Variants in HMCN1 observed in about 807,000 individuals in gnomAD.
HMCN1 encodes the protein hemicentin 1, also known as hemicentin-1.
Under a neutral mutation model 625.9 loss-of-function variants are expected in HMCN1, and 321 were observed. The observed-to-expected ratio is 0.51, with a 90% CI of 0.47 to 0.56. HMCN1 has a LOEUF of 0.56. Ranked by LOEUF, HMCN1 falls within the 20% of genes least tolerant of loss-of-function variation. HMCN1 has a pLI of 0.00. For synonymous variants in HMCN1, 2,425 were observed against 2,417.6 expected, an observed-to-expected ratio of 1.00 and a Z score of -0.09; for missense variants, 6,588 against 6,887.3, an observed-to-expected ratio of 0.96 and a Z score of 1.54.
chr1:185,975,319 C>CA (rs2101983094), intron 15 of HMCN1, among the ~76,000 whole-genome samples: 1 of 152,212 alleles, frequency 6.6e-6, no homozygotes, highest in East Asian at 1.9e-4. Flanking sequence ...GCAGGCTCTA[C>CA]AGAAAGCATG....
chr1:186,134,181 G>A (rs1351817304), intron 86 of HMCN1, among the ~76,000 whole-genome samples: 1 of 152,074 alleles, frequency 6.6e-6, no homozygotes, highest in Non-Finnish European at 1.5e-5. Context: ...TTTATTTAAA[G>A]TGTTCATATT....
intron 103 of HMCN1, chr1:186,177,319 A>AAG (rs1553310477): frequency 2.3e-4 from 35 of 150,750 alleles, no homozygotes; most frequent in South Asian, 4.2e-4. Flanking sequence ...AAAAAAAAAA[A>AAG]AGAGAGAGCA....
chr1:186,029,715 T>C (rs961184048), intron 36 of HMCN1, among the ~76,000 whole-genome samples: 6 of 151,826 alleles, frequency 4.0e-5, no homozygotes, highest in Non-Finnish European at 7.4e-5. Context: ...GTTTTTCTCT[T>C]CTCTATTTAA....
intron 11 of HMCN1, among the ~76,000 whole-genome samples, chr1:185,946,906 G>A (rs1333054368): frequency 1.3e-5 from 2 of 152,120 alleles, no homozygotes; most frequent in Non-Finnish European, 2.9e-5. Context: ...CTTAAGAAAA[G>A]AAATCTTGAT....
At chr1:185,826,174 A>G (rs914213901) in intron 1 of HMCN1, among the ~76,000 whole-genome samples, 3 of 152,200 alleles carry the variant, frequency 2.0e-5, no homozygotes, top group Admixed American at 6.5e-5. Context: ...TGTATTTCCA[A>G]TTCAATTCCT....
At chr1:185,897,712 G>A (rs1475113) in intron 4 of HMCN1, among the ~76,000 whole-genome samples, 85,910 of 151,810 alleles carry the variant, frequency 0.57, 27,483 homozygotes, top group African/African-American at 0.89. Flanking sequence ...TACATTTTCT[G>A]TTATGTATTT....
Position 185,865,815 on chromosome 1 carries a change from T to C in HMCN1, c.573T>C (p.Ser191=), listed in dbSNP as rs1471243576. The C allele has an allele frequency of 6.2e-7, 1 of 1,613,204 alleles. No individual in the cohort carries two copies. Among genetic ancestry groups the C allele is most frequent in the Middle Eastern group, 1.7e-4 (1 of 6,058 alleles). Residue 191 remains serine, a synonymous_variant, in exon 4 of 107, where the codon TCT becomes TCC. Coordinates refer to ENST00000271588, the MANE Select transcript of HMCN1 (RefSeq NM_031935.3). ...IGYKVYEEIA[S]TSSGQVFHLD... is the part of the protein sequence containing the mutation. Reference sequence around the variant, plus strand: ...ATAAAGTCTATGAAGAAATTGCCTCTACAAGTTCTGGTCAAGTGTTCCATC... The same window carrying C: ...ATAAAGTCTATGAAGAAATTGCCTCCACAAGTTCTGGTCAAGTGTTCCATC...
In HMCN1 at chr1:186,120,086, T is replaced by C; in HGVS notation, c.12170T>C (p.Met4057Thr). Residue 4057 changes from methionine (M) to threonine (T), a missense_variant, in exon 80 of 107, where the codon ATG becomes ACG. Around this residue, in one of 3 missense-constraint regions of HMCN1, gnomAD observed 1,954 missense variants for 2,013.1 expected, o/e 0.97. Coordinates refer to ENST00000271588, the MANE Select transcript of HMCN1 (RefSeq NM_031935.3). The stretch of plus-strand genomic sequence containing the variant: ...GTCCGAGAGGATGCTGGCACTTACA[T>C]GTGTGTGGCCCAGAACCCGGCTGGT... Reference protein sequence around the residue: ...RAVREDAGTYMCVAQNPAGTA... With the variant: ...RAVREDAGTYTCVAQNPAGTA... The C allele has an allele frequency of 1.2e-6, 2 of 1,614,048 alleles. No homozygotes were observed. Among genetic ancestry groups the C allele is most frequent in the Non-Finnish European group, 8.5e-7 (1 of 1,179,966 alleles).
At chr1:186,184,424 GGACA>G (rs1445492916) in intron 105 of HMCN1, among the ~76,000 whole-genome samples, 1 of 152,034 alleles carries the variant, frequency 6.6e-6, no homozygotes, top group African/African-American at 2.4e-5. Flanking sequence ...CATTGAACAA[GGACA>G]GACACTCTAG....
intron 97 of HMCN1, among the ~76,000 whole-genome samples, chr1:186,162,407 C>T (rs1215666042): frequency 1.3e-5 from 2 of 152,186 alleles, no homozygotes; most frequent in East Asian, 1.9e-4. Context: ...AAGCCTTCTT[C>T]TCTCAACTCG....
At chr1:186,166,373 T>C (rs1651881014) in intron 99 of HMCN1, 70 bp downstream of exon 99, 2 of 1,577,192 alleles carry the variant, frequency 1.3e-6, no homozygotes, top group Non-Finnish European at 1.7e-6. Flanking sequence ...AAAAGTATGA[T>C]AGACCCATTA....
At chr1:185,832,071 G>C (rs1036051986) in intron 1 of HMCN1, among the ~76,000 whole-genome samples, 2 of 152,140 alleles carry the variant, frequency 1.3e-5, no homozygotes, top group Non-Finnish European at 2.9e-5. Flanking sequence ...TGAGGCAGGT[G>C]GATCTCTTGA....
chr1:185,824,705 C>T (rs1231506673), intron 1 of HMCN1, among the ~76,000 whole-genome samples: 2 of 152,106 alleles, frequency 1.3e-5, no homozygotes, highest in African/African-American at 2.4e-5. Context: ...CAATTCTAAG[C>T]AATCTGTCAG....
chr1:186,173,201 C>A lies in HMCN1; in HGVS notation c.15814+1070C>A, dbSNP rs112724684. Among the ~76,000 whole-genome samples the A allele has an allele frequency of 3.4e-3, 515 of 151,968 alleles. 5 individuals are homozygous for A. The highest frequency in any genetic ancestry group is 0.012 in the African/African-American group (499 of 41,434). ...TAAAATATTAATAAAATTATTGTAT[C>A]TTGGATTTGTTTCAGAACAATATGA... On this transcript the variant is annotated intron_variant, in intron 102 of 106. Coordinates refer to ENST00000271588, the MANE Select transcript of HMCN1 (RefSeq NM_031935.3).
At position 185,736,751 on chromosome 1, in the gene HMCN1, G is replaced by A. The variant is rs185129644; in HGVS notation, c.268+1704G>A. ...ATGGGAGAGTTTGCTCTTTGCTGTA[G>A]TTGACTTTCCTGTAGTTTAGCAATC... is the stretch of plus-strand genomic sequence containing the variant. On this transcript the variant is annotated intron_variant, in intron 1 of 106. Coordinates refer to ENST00000271588, the MANE Select transcript of HMCN1 (RefSeq NM_031935.3). Among the ~76,000 whole-genome samples the A allele has an allele frequency of 7.6e-4, 115 of 152,282 alleles. 1 individual carries two copies. The highest frequency in any genetic ancestry group is 4.1e-4 in the South Asian group (2 of 4,824).
intron 97 of HMCN1, among the ~76,000 whole-genome samples, chr1:186,162,708 G>A (rs1651586479): frequency 6.6e-6 from 1 of 152,216 alleles, no homozygotes; most frequent in Non-Finnish European, 1.5e-5. Flanking sequence ...GGTATCAGCA[G>A]AGGTGTCTGC....
intron 4 of HMCN1, among the ~76,000 whole-genome samples, chr1:185,871,456 C>A (rs1300901567): frequency 6.6e-6 from 1 of 152,062 alleles, no homozygotes; most frequent in Non-Finnish European, 1.5e-5. Flanking sequence ...ATAGTTTCTA[C>A]CTCATAGTGT....
At chr1:186,020,144 A>C (rs1654623323) in intron 35 of HMCN1, among the ~76,000 whole-genome samples, 1 of 152,028 alleles carries the variant, frequency 6.6e-6, no homozygotes, top group African/African-American at 2.4e-5. Flanking sequence ...ATTTAAAAAA[A>C]ATTGAAAAGT....
chr1:185,929,828 T>C lies in HMCN1; in HGVS notation c.1552+1161T>C, dbSNP rs144720864. On this transcript the variant is annotated intron_variant, in intron 10 of 106. Coordinates refer to ENST00000271588, the MANE Select transcript of HMCN1 (RefSeq NM_031935.3). ...AAATAAAGTTTGTCTTCTGAAACAA[T>C]TTAGCAAGTTGACATACATCACAAA... Among the ~76,000 whole-genome samples the C allele has an allele frequency of 3.7e-3, 566 of 152,324 alleles. 3 individuals are homozygous for C. The highest frequency in any genetic ancestry group is 0.013 in the African/African-American group (545 of 41,572).
Sources: gnomAD v4.1 joint callset for allele counts (sites outside exome capture counted in the v4.1 genomes callset) on GRCh38, gnomAD v4.1.1 for gene constraint, gnomAD v4.1.1 regional missense constraint, MANE v1.5 for transcripts, NCBI Gene and HGNC (gene_info 2026-07-23, HGNC 2026-07-21) for gene names.